The following UNC5D variants were observed in gnomAD, a reference collection of about 807,000 sequenced individuals.
UNC5D encodes the protein netrin receptor UNC5D.
Under a neutral mutation model 105.4 loss-of-function variants are expected in UNC5D, and 39 were observed. The observed-to-expected ratio is 0.37, with a 90% CI of 0.29 to 0.48. The LOEUF is 0.48. Ranked by LOEUF, UNC5D falls within the 20% of genes least tolerant of loss-of-function variation. The pLI is 0.98. For missense variants in UNC5D, 991 were observed against 1,202.4 expected, an observed-to-expected ratio of 0.82 and a Z score of 2.60; for synonymous variants, 452 against 450.4, an observed-to-expected ratio of 1.00 and a Z score of -0.04.
intron 4 of UNC5D, among the ~76,000 whole-genome samples, chr8:35,620,107 C>T (rs1821266868): frequency 6.6e-6 from 1 of 152,186 alleles, no homozygotes; most frequent in African/African-American, 2.4e-5. Flanking sequence ...GATGTCCCTG[C>T]ACCATCCCTT....
At chr8:35,672,325 G>A (rs1307095515) in intron 4 of UNC5D, among the ~76,000 whole-genome samples, 3 of 152,092 alleles carry the variant, frequency 2.0e-5, no homozygotes, top group Non-Finnish European at 4.4e-5. Flanking sequence ...TGGAGGGAGG[G>A]GGTAAATGTG....
At chr8:35,590,099 C>T (rs1819068909) in intron 3 of UNC5D, among the ~76,000 whole-genome samples, 1 of 152,126 alleles carries the variant, frequency 6.6e-6, no homozygotes, top group African/African-American at 2.4e-5. Context: ...TTATTAGCCA[C>T]TTGTATCTCT....
intron 4 of UNC5D, among the ~76,000 whole-genome samples, chr8:35,614,827 A>G (rs1820915113): frequency 6.6e-6 from 1 of 152,156 alleles, no homozygotes. Flanking sequence ...AAGAAAAGGA[A>G]AGAAGATATC....
chr8:35,378,774 A>G (rs1043284423), intron 1 of UNC5D, among the ~76,000 whole-genome samples: 3 of 152,208 alleles, frequency 2.0e-5, no homozygotes, highest in Non-Finnish European at 4.4e-5. Context: ...ATACACCTGA[A>G]TTGTAAAGGT....
chr8:35,537,852 T>C (rs1395539946), intron 1 of UNC5D, among the ~76,000 whole-genome samples: 1 of 152,000 alleles, frequency 6.6e-6, no homozygotes, highest in Admixed American at 6.6e-5. Flanking sequence ...CAGGATTTTT[T>C]CACAGCTTCA....
At chr8:35,675,921 T>A (rs1825179284) in intron 4 of UNC5D, among the ~76,000 whole-genome samples, 1 of 151,622 alleles carries the variant, frequency 6.6e-6, no homozygotes, top group African/African-American at 2.4e-5. Flanking sequence ...ACATACTAGA[T>A]GTCTTTAATA....
chr8:35,596,825 AG>A (rs1819518606), intron 4 of UNC5D, among the ~76,000 whole-genome samples: 1 of 152,134 alleles, frequency 6.6e-6, no homozygotes, highest in Non-Finnish European at 1.5e-5. Context: ...CAGTGAGCAG[AG>A]GGGTGACTTT....
At position 35,698,086 on chromosome 8, in the gene UNC5D, G is replaced by GGATT. The variant is rs1403131331; in HGVS notation, c.1085-7842_1085-7839dup. Among the ~76,000 whole-genome samples, 4 of 152,142 alleles carry GGATT rather than the reference G, an allele frequency of 2.6e-5. No homozygotes were observed. The East Asian group carries it at 7.7e-4, about 29-fold the overall frequency. ...ATGGCAAGGCTGGCACTTACAAATA[G>GGATT]GATTCCTTTTTTACAACTTTATTGA... On this transcript the variant is annotated intron_variant, in intron 7 of 16. Coordinates refer to ENST00000404895, the MANE Select transcript of UNC5D (RefSeq NM_080872.4).
At chr8:35,359,773 A>C (rs974390081) in intron 1 of UNC5D, among the ~76,000 whole-genome samples, 1 of 152,176 alleles carries the variant, frequency 6.6e-6, no homozygotes, top group Non-Finnish European at 1.5e-5. Context: ...TCAAAATTTT[A>C]GTGTCTAAAA....
At chr8:35,712,272 A>AAAAG (rs1194078344) in intron 8 of UNC5D, among the ~76,000 whole-genome samples, 1 of 152,216 alleles carries the variant, frequency 6.6e-6, no homozygotes, top group Non-Finnish European at 1.5e-5. Context: ...CTCCATTTCA[A>AAAAG]AAAGAAAGAA....
At chr8:35,360,128 A>T (rs1801781955) in intron 1 of UNC5D, among the ~76,000 whole-genome samples, 1 of 152,074 alleles carries the variant, frequency 6.6e-6, no homozygotes, top group African/African-American at 2.4e-5. Flanking sequence ...GGGTTTTTTC[A>T]TGTCCCTGTG....
chr8:35,264,278 A>T (rs1804683979), intron 1 of UNC5D, among the ~76,000 whole-genome samples: 1 of 152,214 alleles, frequency 6.6e-6, no homozygotes, highest in Admixed American at 6.5e-5. Context: ...ATTCTTCCAC[A>T]AGCTTTCAAA....
chr8:35,429,617 A>G (rs1351782506), intron 1 of UNC5D, among the ~76,000 whole-genome samples: 2 of 152,176 alleles, frequency 1.3e-5, no homozygotes, highest in African/African-American at 4.8e-5. Context: ...CAAGGTATAA[A>G]ATAACACTTT....
intron 4 of UNC5D, among the ~76,000 whole-genome samples, chr8:35,648,538 G>A (rs892166609): frequency 3.3e-5 from 5 of 151,996 alleles, no homozygotes; most frequent in South Asian, 2.1e-4. Context: ...AATTAGCCGG[G>A]TATGGTTGCA....
chr8:35,598,165 T>TC (rs1819609850), intron 4 of UNC5D, among the ~76,000 whole-genome samples: 1 of 152,148 alleles, frequency 6.6e-6, no homozygotes, highest in Non-Finnish European at 1.5e-5. Context: ...AATATTTGCT[T>TC]CCCCCACTCC....
chr8:35,612,486 T>A lies in UNC5D; in HGVS notation c.570+16829T>A, dbSNP rs190747440. ...CAGATGCCTATCTGGAAATGAAGGC[T>A]TTTGAGAAGAGGAAATGAAGGTCTT... On this transcript the variant is annotated intron_variant, in intron 4 of 16. Transcript: ENST00000404895. Among the ~76,000 whole-genome samples the A allele has an allele frequency of 3.3e-3, 509 of 152,176 alleles. 3 individuals carry two copies. Among genetic ancestry groups the A allele is most frequent in the African/African-American group, 0.011 (466 of 41,546 alleles).
chr8:35,608,484 T>G (rs1011091661), intron 4 of UNC5D, among the ~76,000 whole-genome samples: 1 of 152,232 alleles, frequency 6.6e-6, no homozygotes, highest in African/African-American at 2.4e-5. Flanking sequence ...ATAGGTTGCA[T>G]GTAAGCCCTG....
chr8:35,785,290 G>C (rs1802693093), intron 16 of UNC5D, among the ~76,000 whole-genome samples: 1 of 152,166 alleles, frequency 6.6e-6, no homozygotes, highest in African/African-American at 2.4e-5. Context: ...AAATCATAAT[G>C]CATTTGCACA....
At chr8:35,442,166 T>C (rs1156628767) in intron 1 of UNC5D, among the ~76,000 whole-genome samples, 1 of 151,922 alleles carries the variant, frequency 6.6e-6, no homozygotes. Flanking sequence ...TTGGTGGTTT[T>C]TGTTGTTTTT....
Sources: gnomAD v4.1 joint callset for allele counts (sites outside exome capture counted in the v4.1 genomes callset) on GRCh38, gnomAD v4.1.1 for gene constraint, MANE v1.5 for transcripts, NCBI Gene and HGNC (gene_info 2026-07-23, HGNC 2026-07-21) for gene names.